Variants in PTGER3 observed in about 807,000 individuals in gnomAD.
The protein encoded by PTGER3 is prostaglandin E2 receptor EP3 subtype.
In PTGER3, 22 loss-of-function variants were observed where a neutral mutation model predicts 34.7. That is an observed-to-expected ratio of 0.63 (90% CI 0.45 to 0.91). PTGER3 has a LOEUF of 0.91. Ranked by LOEUF, PTGER3 falls within the 40% of genes least tolerant of loss-of-function variation. The pLI is 0.00. For synonymous variants in PTGER3, 241 were observed against 230.1 expected, an observed-to-expected ratio of 1.05 and a Z score of -0.43; for missense variants, 468 against 519.4, an observed-to-expected ratio of 0.90 and a Z score of 0.96.
rs1379584751 is a variant in PTGER3 at position 70,917,213 on chromosome 1, G to A, written c.*23+36550C>T. On this transcript the variant is annotated intron_variant, in intron 4 of 4. Coordinates refer to the PTGER3 transcript ENST00000370931. ...CCCCCGCTTTCCCCCTCTCTCCTCA[G>A]TCTCTGGTTACTAGTATTTCAGATT... Among the ~76,000 whole-genome samples the A allele has an allele frequency of 4.0e-5, 6 of 149,986 alleles. No homozygotes were observed. In the South Asian group the frequency reaches 8.4e-4, roughly 21 times the overall value.
intron 2 of PTGER3, among the ~76,000 whole-genome samples, chr1:70,956,543 A>G (rs918575640): frequency 2.0e-5 from 3 of 152,174 alleles, no homozygotes; most frequent in African/African-American, 7.2e-5. Flanking sequence ...AAAGGTCAGG[A>G]TAAGACTAAC....
chr1:70,904,240 G>C (rs1218078383), intron 4 of PTGER3, among the ~76,000 whole-genome samples: 2 of 152,068 alleles, frequency 1.3e-5, no homozygotes, highest in Non-Finnish European at 2.9e-5. Context: ...TCTTTATTTT[G>C]TAAATTTCCC....
chr1:70,959,769 C>A (rs1029960329), intron 2 of PTGER3, among the ~76,000 whole-genome samples: 5 of 152,100 alleles, frequency 3.3e-5, no homozygotes, highest in African/African-American at 1.2e-4. Context: ...GTCCCACAGA[C>A]AACATCATGT....
chr1:70,984,208 G>A (rs1486240116), intron 2 of PTGER3, among the ~76,000 whole-genome samples: 1 of 151,692 alleles, frequency 6.6e-6, no homozygotes, highest in African/African-American at 2.4e-5. Flanking sequence ...CCAACGTGGT[G>A]AAACCCTGTC....
downstream of PTGER3, among the ~76,000 whole-genome samples, chr1:70,949,895 T>C (rs371447329): frequency 6.6e-6 from 1 of 152,116 alleles, no homozygotes; most frequent in Non-Finnish European, 1.5e-5. Flanking sequence ...GATTAGACAC[T>C]GGGAATATGG....
chr1:70,971,607 T>C lies in PTGER3; in HGVS notation c.*123A>G. On this transcript the variant is annotated 3_prime_UTR_variant, in exon 4 of 4. Transcript: ENST00000306666. Reference sequence around the variant, plus strand: ...ATTACTGACAAAACAATCATTAAAATAAAAAGATAAAAATGAAGAAATAAT... The same window carrying C: ...ATTACTGACAAAACAATCATTAAAACAAAAAGATAAAAATGAAGAAATAAT... 1 of 1,376,104 alleles carries C rather than the reference T, an allele frequency of 7.3e-7. No individual in the cohort carries two copies. The highest frequency in any genetic ancestry group is 9.4e-7 in the Non-Finnish European group (1 of 1,059,018). 85.2% of individuals were successfully genotyped at this position (1,376,104 alleles called of 1,614,324 possible).
chr1:71,006,025 A>G (rs1656925877), intron 2 of PTGER3: 1 of 591,890 alleles, frequency 1.7e-6, no homozygotes, highest in African/African-American at 2.0e-5. Context: ...GGAACATTCA[A>G]TAGCCTCCTT....
chr1:70,963,868 G>A (rs912665135), intron 2 of PTGER3, among the ~76,000 whole-genome samples: 55 of 152,060 alleles, frequency 3.6e-4, no homozygotes, highest in African/African-American at 1.2e-3. Context: ...CTATTGCATG[G>A]TCAGGCTGCA....
intron 4 of PTGER3, among the ~76,000 whole-genome samples, chr1:70,861,249 G>T (rs140678681): frequency 1.3e-4 from 20 of 152,260 alleles, no homozygotes; most frequent in African/African-American, 4.6e-4. Flanking sequence ...ATAATTTTTG[G>T]CTTGTGAAAA....
intron 2 of PTGER3, among the ~76,000 whole-genome samples, chr1:70,991,861 C>T (rs989706148): frequency 3.0e-4 from 45 of 152,044 alleles, no homozygotes; most frequent in African/African-American, 1.1e-3. Context: ...CTAAGAAGGG[C>T]CTTTTGTGTC....
chr1:71,033,400 A>C (rs1237708977), intron 1 of PTGER3, among the ~76,000 whole-genome samples: 1 of 152,160 alleles, frequency 6.6e-6, no homozygotes, highest in Non-Finnish European at 1.5e-5. Flanking sequence ...ATCCAGCTCC[A>C]CATAGCTGCC....
At chr1:70,935,672 AAT>A (rs10577850) in intron 4 of PTGER3, among the ~76,000 whole-genome samples, 64,824 of 140,150 alleles carry the variant, frequency 0.46, 15,869 homozygotes, top group East Asian at 0.69. Flanking sequence ...TACAAATATA[AAT>A]ATATATATAT....
At chr1:70,989,483 C>T (rs1655233714) in intron 2 of PTGER3, among the ~76,000 whole-genome samples, 1 of 152,034 alleles carries the variant, frequency 6.6e-6, no homozygotes, top group Non-Finnish European at 1.5e-5. Flanking sequence ...CATGGTTCTG[C>T]AGGATAATTT....
At chr1:70,978,891 C>A (rs1248695638) in intron 2 of PTGER3, among the ~76,000 whole-genome samples, 1 of 152,080 alleles carries the variant, frequency 6.6e-6, no homozygotes, top group African/African-American at 2.4e-5. Flanking sequence ...GGATATGAAG[C>A]CACTTTCTTT....
chr1:71,031,636 T>C lies in PTGER3; in HGVS notation c.897+15045A>G, dbSNP rs575739200. ...ATCACAGAGGCATGCAGCAAACATT[T>C]TTCCAGCAGGACTTTGGCTGTGCAG... On this transcript the variant is annotated intron_variant, in intron 1 of 3. Transcript: ENST00000306666. Among the ~76,000 whole-genome samples the C allele has an allele frequency of 9.2e-5, 14 of 152,336 alleles. No individual in the cohort carries two copies. The South Asian group carries it at 2.7e-3, about 29-fold the overall frequency.
intron 2 of PTGER3, among the ~76,000 whole-genome samples, chr1:70,978,258 A>G (rs1398493483): frequency 2.0e-5 from 3 of 152,152 alleles, no homozygotes; most frequent in Admixed American, 6.6e-5. Context: ...CTTTGATTGT[A>G]GTACTCAGGC....
chr1:70,901,752 A>G (rs1302670062), intron 4 of PTGER3, among the ~76,000 whole-genome samples: 1 of 152,210 alleles, frequency 6.6e-6, no homozygotes, highest in East Asian at 1.9e-4. Context: ...CACATACAGC[A>G]TTGGTAATGT....
At chr1:71,042,200 C>A (rs1344902683) in intron 1 of PTGER3, among the ~76,000 whole-genome samples, 1 of 150,792 alleles carries the variant, frequency 6.6e-6, no homozygotes, top group African/African-American at 2.4e-5. Context: ...CAGGGACTAA[C>A]CATCTAAATT....
At chr1:70,918,463 C>T (rs1647257348) in intron 4 of PTGER3, among the ~76,000 whole-genome samples, 2 of 152,008 alleles carry the variant, frequency 1.3e-5, no homozygotes, top group Non-Finnish European at 2.9e-5. Context: ...AAAGTGGAGA[C>T]TACCTACAAA....
Sources: allele counts gnomAD v4.1 joint callset (sites outside exome capture counted in the v4.1 genomes callset), GRCh38; gene constraint gnomAD v4.1.1; transcripts MANE v1.5; gene names NCBI Gene and HGNC (gene_info 2026-07-23, HGNC 2026-07-21).